ZNF317: variants seen among roughly 807,000 people sequenced by gnomAD.
The protein encoded by ZNF317 is KRAB-containing zinc finger protein 317.
A neutral mutation model predicts 23.4 loss-of-function variants in ZNF317; 17 were observed. The observed-to-expected ratio is 0.73, with a 90% CI of 0.50 to 1.09. The LOEUF (loss-of-function observed/expected upper bound fraction) is 1.09, where lower values mean the gene tolerates loss of function less well. ZNF317 is among the 50% of genes least tolerant of loss of function. The probability of loss-of-function intolerance (pLI) is 0.00; values close to 1 mark genes in which losing one functional copy is unlikely to be tolerated. For synonymous variants in ZNF317, 317 were observed against 314.9 expected, an observed-to-expected ratio of 1.01 and a Z score of -0.07; for missense variants, 679 against 796.7, an observed-to-expected ratio of 0.85 and a Z score of 1.78.
Position 9,157,988 on chromosome 19 carries a change from G to C in ZNF317, c.298G>C (p.Val100Leu). Reference protein sequence around the residue: ...YSNLTSLGYQVGKPSLISHLE... With the variant: ...YSNLTSLGYQLGKPSLISHLE... ...CTTTCCCGTGAGTGTAGGGTATCAG[G>C]TCGGCAAACCCAGCCTCATCTCACA... is the stretch of plus-strand genomic sequence containing the variant. Residue 100 changes from valine to leucine, a missense_variant, in exon 5 of 7, where the codon GTC becomes CTC. By Grantham distance (32) the Val-to-Leu change is conservative. Transcript: ENST00000247956. 6.4e-7 allele frequency: 1 copy of C among 1,551,488 alleles called. No individual in the cohort carries two copies. Among genetic ancestry groups the C allele is most frequent in the Non-Finnish European group, 8.7e-7 (1 of 1,146,896 alleles).
intron 1 of ZNF317, among the ~76,000 whole-genome samples, chr19:9,149,653 G>A (rs1400279467): frequency 6.6e-6 from 1 of 152,088 alleles, no homozygotes; most frequent in Non-Finnish European, 1.5e-5. Flanking sequence ...ATGCACAGCA[G>A]TGAGGCTTCT....
At position 9,160,348 on chromosome 19, in the gene ZNF317, G is replaced by A. The variant is rs761447233; in HGVS notation, c.703G>A (p.Ala235Thr). The A allele has an allele frequency of 5.7e-5, 92 of 1,614,024 alleles. No homozygotes were observed. The highest frequency in any genetic ancestry group is 9.3e-5 in the African/African-American group (7 of 74,912). ...GTGCCAAAAAGCCTTCACCACGAGC[G>A]CGTCCCTCACACGGCACAGGAGAAT... ...HQCQKAFTTS[A>T]SLTRHRRIHT... The change falls in exon 7 of 7, where the codon GCG becomes ACG. Residue 235 changes from alanine to threonine, a missense_variant. Ala to Thr is a moderately conservative substitution (Grantham distance 58, BLOSUM62 0). Coordinates refer to ENST00000247956, the MANE Select transcript of ZNF317 (RefSeq NM_020933.5). The surrounding 1 kb of genome is among the most constrained non-coding windows in gnomAD (Gnocchi z 6.8).
rs2050858882 is a variant in ZNF317, at chr19:9,161,624, C to CG, written c.*196dup. On this transcript the variant is annotated 3_prime_UTR_variant, in exon 7 of 7. Transcript: ENST00000247956. The surrounding 1 kb of genome is among the most constrained non-coding windows in gnomAD (Gnocchi z 4.0). ...ATAGGAGGTTTGTGAGAACTCACGCCGGGGGTGAAAATGTACGTCTGTAGC... is the reference window on the plus strand; with the variant it reads ...ATAGGAGGTTTGTGAGAACTCACGCCGGGGGGTGAAAATGTACGTCTGTAGC... 1 of 753,878 alleles carries CG rather than the reference C, an allele frequency of 1.3e-6. No homozygotes were observed. The highest frequency in any genetic ancestry group is 2.1e-5 in the South Asian group (1 of 47,246). The allele number at this position is 753,878 out of a possible 1,614,324, so 46.7% of individuals were successfully genotyped here.
At chr19:9,155,899 T>A in intron 1 of ZNF317, 26 bp from the exon 2 acceptor site, 2 of 1,292,950 alleles carry the variant, frequency 1.5e-6, no homozygotes, top group Admixed American at 3.5e-5. Flanking sequence ...CTTTCACTAC[T>A]CCCGATGTTC....
At chr19:9,145,781 T>C (rs1270555658) in intron 1 of ZNF317, among the ~76,000 whole-genome samples, 1 of 152,234 alleles carries the variant, frequency 6.6e-6, no homozygotes, top group East Asian at 1.9e-4. Flanking sequence ...GTTCCTCAAC[T>C]CTTTTTCTGT....
At chr19:9,153,894 T>C (rs1472345116) in intron 1 of ZNF317, among the ~76,000 whole-genome samples, 1 of 151,964 alleles carries the variant, frequency 6.6e-6, no homozygotes, top group African/African-American at 2.4e-5. Flanking sequence ...AATTGGGAGA[T>C]GGTGAATGTA....
rs763370980 is a variant in ZNF317, at chr19:9,160,083, C to T, written c.469-31C>T. 1 of 1,611,412 alleles carries T rather than the reference C, an allele frequency of 6.2e-7. No homozygotes were observed. The highest frequency in any genetic ancestry group is 1.7e-5 in the Admixed American group (1 of 59,910). On this transcript the variant is annotated intron_variant, in intron 6 of 6. Transcript: ENST00000247956. This position sits in a 1 kb window ranked among gnomAD's most constrained non-coding sequence, Gnocchi z 6.8. ...AGGGTTGCAATGAATATGAGAATTGCCTTTGTCAGCACTTACGTCTTAACC... is the reference window on the plus strand; with the variant it reads ...AGGGTTGCAATGAATATGAGAATTGTCTTTGTCAGCACTTACGTCTTAACC...
intron 1 of ZNF317, among the ~76,000 whole-genome samples, chr19:9,142,071 G>A (rs113712695): frequency 0.15 from 23,387 of 152,186 alleles, 2,085 homozygotes; most frequent in Non-Finnish European, 0.19. Context: ...CTCCCAAAGT[G>A]CTGGGATTGC....
At chr19:9,149,403 C>T (rs765639788) in intron 1 of ZNF317, among the ~76,000 whole-genome samples, 6 of 151,836 alleles carry the variant, frequency 4.0e-5, no homozygotes, top group South Asian at 2.1e-4. Context: ...ACCCGGGAGG[C>T]GCAGGTTGCA....
intron 2 of ZNF317, 94 bp from the exon 3 acceptor site, chr19:9,156,518 T>A: frequency 6.8e-7 from 1 of 1,481,460 alleles, no homozygotes; most frequent in Non-Finnish European, 9.1e-7. Context: ...ATGTGAACAC[T>A]CAGAATCAGT....
At position 9,161,334 on chromosome 19, in the gene ZNF317, C is replaced by T. The variant is rs760213645; in HGVS notation, c.1689C>T (p.Cys563=). The change falls in exon 7 of 7, where the codon TGC becomes TGT. Residue 563 remains cysteine, a synonymous_variant. Coordinates refer to ENST00000247956, the MANE Select transcript of ZNF317 (RefSeq NM_020933.5). This position sits in a 1 kb window ranked among gnomAD's most constrained non-coding sequence, Gnocchi z 4.0. The part of the protein sequence containing the change: ...TGEKPYECLV[C]GKAFSDHSSL... ...AGAAGCCCTACGAATGCCTTGTCTG[C>T]GGGAAAGCCTTCAGCGACCACTCAT... The T allele has an allele frequency of 6.2e-6, 10 of 1,614,030 alleles. No individual in the cohort carries two copies. The highest frequency in any genetic ancestry group is 2.2e-5 in the South Asian group (2 of 91,086).
intron 1 of ZNF317, among the ~76,000 whole-genome samples, chr19:9,148,448 T>C (rs1157674888): frequency 1.3e-5 from 2 of 152,198 alleles, no homozygotes; most frequent in African/African-American, 4.8e-5. Flanking sequence ...CCCCAGGGTG[T>C]TGGGCTAAGC....
chr19:9,142,012 G>A (rs1315598531), intron 1 of ZNF317, among the ~76,000 whole-genome samples: 1 of 152,118 alleles, frequency 6.6e-6, no homozygotes, highest in South Asian at 2.1e-4. Flanking sequence ...CAACATGTTG[G>A]CCAGGCTGGT....
chr19:9,162,070 C>T lies in ZNF317; in HGVS notation c.*637C>T, dbSNP rs2050864242. ...CTGAAATACTTCCTGTCATCTGCCCCTTTCCAGAAAAACTTGGCCGACCCT... is the reference window on the plus strand; with the variant it reads ...CTGAAATACTTCCTGTCATCTGCCCTTTTCCAGAAAAACTTGGCCGACCCT... On this transcript the variant is annotated 3_prime_UTR_variant, in exon 7 of 7. Transcript: ENST00000247956. 1 of 152,226 alleles carries T rather than the reference C, an allele frequency of 6.6e-6. No individual in the cohort carries two copies. Among genetic ancestry groups the T allele is most frequent in the South Asian group, 2.1e-4 (1 of 4,818 alleles). The allele number at this position is 152,226 out of a possible 1,614,324, so 9.4% of individuals were successfully genotyped here.
chr19:9,152,785 C>A lies in ZNF317; in HGVS notation c.-92-3140C>A, dbSNP rs934560343. The stretch of plus-strand genomic sequence containing the variant: ...CTCAAGTCATCCCAAAACCATCCCC[C>A]CTCACCTCACCATCCATGGAAAAAT... On this transcript the variant is annotated intron_variant, in intron 1 of 6. Transcript: ENST00000247956. Among the ~76,000 whole-genome samples the A allele has an allele frequency of 4.6e-5, 7 of 152,310 alleles. 1 individual carries two copies. Among genetic ancestry groups the A allele is most frequent in the Admixed American group, 4.6e-4 (7 of 15,292 alleles).
chr19:9,147,919 G>A (rs2050701849), intron 1 of ZNF317, among the ~76,000 whole-genome samples: 1 of 152,152 alleles, frequency 6.6e-6, no homozygotes, highest in South Asian at 2.1e-4. Context: ...CAGGGGGGCA[G>A]ATTTCTCATG....
At chr19:9,157,649 T>A in intron 4 of ZNF317, 1 of 592,766 alleles carries the variant, frequency 1.7e-6, no homozygotes, top group Non-Finnish European at 2.6e-6. Context: ...GGAGGGTCAG[T>A]GTGTGGGTAC....
Position 9,160,983 on chromosome 19 carries a change from C to T in ZNF317, c.1338C>T (p.Tyr446=), listed in dbSNP as rs756906379. The T allele has an allele frequency of 6.8e-6, 11 of 1,614,112 alleles. No individual in the cohort carries two copies. The highest frequency in any genetic ancestry group is 2.2e-5 in the East Asian group (1 of 44,884). Residue 446 remains tyrosine (Y), a synonymous_variant, in exon 7 of 7, where the codon TAC becomes TAT. Coordinates refer to ENST00000247956, the MANE Select transcript of ZNF317 (RefSeq NM_020933.5). This position sits in a 1 kb window ranked among gnomAD's most constrained non-coding sequence, Gnocchi z 6.8. Reference sequence around the variant, plus strand: ...ACTCTCACACTGGAGAGAAACCATACGGGTGCGATCTCTGCGGGAAAGCTT... The same window carrying T: ...ACTCTCACACTGGAGAGAAACCATATGGGTGCGATCTCTGCGGGAAAGCTT... ...HMNSHTGEKP[Y]GCDLCGKAFS...
rs1295009802 is a variant in ZNF317 at position 9,160,558 on chromosome 19, C to G, written c.913C>G (p.Pro305Ala). 6.2e-7 allele frequency: 1 copy of G among 1,614,184 alleles called. No homozygotes were observed. The highest frequency in any genetic ancestry group is 8.5e-7 in the Non-Finnish European group (1 of 1,180,038). The change falls in exon 7 of 7, where the codon CCT (proline) becomes GCT (alanine). Residue 305 changes from proline (P) to alanine (A), a missense_variant. By Grantham distance (27) the Pro-to-Ala change is conservative (BLOSUM62 -1). Coordinates refer to ENST00000247956, the MANE Select transcript of ZNF317 (RefSeq NM_020933.5). The surrounding 1 kb of genome is among the most constrained non-coding windows in gnomAD (Gnocchi z 6.8). ...IHMRVHTGER[P>A]YKCDQCGKAY... The stretch of plus-strand genomic sequence containing the variant: ...CATGCGAGTTCACACTGGCGAGAGG[C>G]CTTACAAGTGTGATCAGTGCGGGAA...
Sources: gnomAD v4.1 joint callset for allele counts (sites outside exome capture counted in the v4.1 genomes callset) on GRCh38, gnomAD v4.1.1 for gene constraint, Gnocchi (gnomAD v3.1) non-coding constraint, MANE v1.5 for transcripts, NCBI Gene and HGNC (gene_info 2026-07-23, HGNC 2026-07-21) for gene names.